The following PPP1R9A variants were observed in gnomAD, a reference collection of about 807,000 sequenced individuals.
The protein encoded by PPP1R9A is neurabin-1.
Under a neutral mutation model 141.9 loss-of-function variants are expected in PPP1R9A, and 59 were observed. The observed-to-expected ratio is 0.42, with a 90% CI of 0.34 to 0.52. The LOEUF (loss-of-function observed/expected upper bound fraction) is 0.52, where lower values mean the gene tolerates loss of function less well. Ranked by LOEUF, PPP1R9A falls within the 20% of genes least tolerant of loss-of-function variation. The pLI, the probability that PPP1R9A is intolerant of heterozygous loss-of-function variation, is 0.10. For synonymous variants in PPP1R9A, 500 were observed against 569.7 expected, an observed-to-expected ratio of 0.88 and a Z score of 1.74; for missense variants, 1,444 against 1,611.9, an observed-to-expected ratio of 0.90 and a Z score of 1.78.
intron 2 of PPP1R9A, among the ~76,000 whole-genome samples, chr7:94,952,221 G>T (rs2151039763): frequency 6.6e-6 from 1 of 152,232 alleles, no homozygotes; most frequent in Admixed American, 6.5e-5. Flanking sequence ...TTCTGTCCCT[G>T]TGTTAGTTTG....
intron 2 of PPP1R9A, among the ~76,000 whole-genome samples, chr7:95,081,199 C>A (rs1247990706): frequency 2.6e-5 from 4 of 152,010 alleles, no homozygotes; most frequent in African/African-American, 9.7e-5. Flanking sequence ...AAATAGCCAG[C>A]AGTAACAGGG....
At chr7:95,200,063 A>G (rs1056370536) in intron 6 of PPP1R9A, among the ~76,000 whole-genome samples, 1 of 151,834 alleles carries the variant, frequency 6.6e-6, no homozygotes, top group Non-Finnish European at 1.5e-5. Context: ...GGATTGGGCT[A>G]GATCACAAAA....
intron 4 of PPP1R9A, among the ~76,000 whole-genome samples, chr7:95,147,254 G>A (rs980602601): frequency 6.6e-6 from 1 of 152,074 alleles, no homozygotes; most frequent in Non-Finnish European, 1.5e-5. Context: ...TCTCCTTGTA[G>A]CAATTGTGAA....
chr7:95,238,505 C>T (rs12704790), intron 8 of PPP1R9A, among the ~76,000 whole-genome samples: 60,640 of 151,954 alleles, frequency 0.4, 12,527 homozygotes, highest in South Asian at 0.49. Flanking sequence ...TTCAGATCCT[C>T]AGTTTTCCAA....
At chr7:95,213,158 C>T (rs1380249839) in intron 7 of PPP1R9A, among the ~76,000 whole-genome samples, 1 of 151,784 alleles carries the variant, frequency 6.6e-6, no homozygotes, top group Non-Finnish European at 1.5e-5. Context: ...CACCAGCAGC[C>T]TATGTTTCAG....
chr7:95,003,133 C>T (rs560348242), intron 2 of PPP1R9A, among the ~76,000 whole-genome samples: 21 of 152,162 alleles, frequency 1.4e-4, no homozygotes, highest in African/African-American at 4.8e-4. Context: ...GTGATTGTGT[C>T]TTTCTTTTCT....
rs1024631533 is a variant in PPP1R9A at position 95,225,848 on chromosome 7, A to G, written c.1957-113A>G. 3 of 1,147,008 alleles carry G rather than the reference A, an allele frequency of 2.6e-6. No individual in the cohort carries two copies. In the African/African-American group the frequency reaches 5.1e-5, roughly 19 times the overall value. The allele number at this position is 1,147,008 out of a possible 1,614,324, so 71.1% of individuals were successfully genotyped here. A position where few individuals can be genotyped will look rare whatever the true frequency, so the allele number is the denominator to read the frequency against. On this transcript the variant is annotated intron_variant, in intron 7 of 19. Coordinates refer to ENST00000433360, the MANE Select transcript of PPP1R9A (RefSeq NM_001166160.2). ...GCATGCTTGGCTGAAAAACCTACTT[A>G]CACTTTTACCATTTGGGTACATGTC... is the stretch of plus-strand genomic sequence containing the variant.
At chr7:95,164,030 G>A (rs1013654072) in intron 5 of PPP1R9A, among the ~76,000 whole-genome samples, 2 of 152,152 alleles carry the variant, frequency 1.3e-5, no homozygotes, top group Non-Finnish European at 2.9e-5. Flanking sequence ...GAGCCACTGC[G>A]CCTGGCCCCA....
intron 1 of PPP1R9A, chr7:94,908,720 G>A (rs1446721092): frequency 6.6e-6 from 1 of 152,220 alleles, no homozygotes; most frequent in East Asian, 1.9e-4. Flanking sequence ...GTGTGTAGGG[G>A]AGAGGGGAGG....
At chr7:95,142,262 A>G (rs1446455365) in intron 4 of PPP1R9A, among the ~76,000 whole-genome samples, 7 of 152,108 alleles carry the variant, frequency 4.6e-5, no homozygotes, top group African/African-American at 1.4e-4. Context: ...GTTTCTTATC[A>G]GATACATAAT....
intron 7 of PPP1R9A, among the ~76,000 whole-genome samples, chr7:95,209,791 A>G (rs1791691651): frequency 6.6e-6 from 1 of 152,136 alleles, no homozygotes; most frequent in Non-Finnish European, 1.5e-5. Flanking sequence ...TAAACACCAT[A>G]TTTTTCAACA....
intron 2 of PPP1R9A, among the ~76,000 whole-genome samples, chr7:94,917,908 C>T (rs1792298688): frequency 1.3e-5 from 2 of 152,202 alleles, no homozygotes; most frequent in South Asian, 2.1e-4. Flanking sequence ...GAAATCTCAT[C>T]TGCATTAGAT....
chr7:95,087,901 A>G (rs967787651), intron 2 of PPP1R9A, among the ~76,000 whole-genome samples: 4 of 151,572 alleles, frequency 2.6e-5, no homozygotes, highest in African/African-American at 4.9e-5. Flanking sequence ...TCTCAAAAAA[A>G]AGAGAGAGAG....
chr7:95,242,017 A>T (rs977718122), intron 8 of PPP1R9A, among the ~76,000 whole-genome samples: 10 of 152,148 alleles, frequency 6.6e-5, no homozygotes, highest in Non-Finnish European at 8.8e-5. Context: ...TACCATTCAG[A>T]TTAGATTGTG....
intron 2 of PPP1R9A, among the ~76,000 whole-genome samples, chr7:94,951,224 T>A (rs1185683223): frequency 6.6e-6 from 1 of 152,130 alleles, no homozygotes; most frequent in East Asian, 1.9e-4. Flanking sequence ...CTTATACTTT[T>A]GTTTTTTTTC....
chr7:95,233,584 C>A lies in PPP1R9A; in HGVS notation c.2112+7468C>A, dbSNP rs116834381. On this transcript the variant is annotated intron_variant, in intron 8 of 19. Transcript: ENST00000433360. ...CCAGGACCATACACATTCACAGCTG[C>A]ATTCTGTCAGACATTCAAAGAAGAA... is the stretch of plus-strand genomic sequence containing the variant. Among the ~76,000 whole-genome samples the A allele has an allele frequency of 4.3e-3, 648 of 152,164 alleles. 4 individuals are homozygous for A. The highest frequency in any genetic ancestry group is 0.014 in the African/African-American group (584 of 41,528).
At chr7:95,124,728 T>G (rs1203830313) in intron 4 of PPP1R9A, among the ~76,000 whole-genome samples, 5 of 152,154 alleles carry the variant, frequency 3.3e-5, no homozygotes, top group Non-Finnish European at 5.9e-5. Flanking sequence ...CTCTTTCTAT[T>G]TAAGAAAATT....
intron 12 of PPP1R9A, among the ~76,000 whole-genome samples, chr7:95,262,735 G>A (rs999474936): frequency 4.6e-5 from 7 of 152,166 alleles, no homozygotes; most frequent in African/African-American, 1.7e-4. Context: ...AGGCTATACA[G>A]ATAGTTTTGA....
intron 4 of PPP1R9A, among the ~76,000 whole-genome samples, chr7:95,159,925 C>CAAAA (rs751687197): frequency 4.7e-5 from 5 of 106,576 alleles, no homozygotes; most frequent in African/African-American, 8.0e-5. Context: ...GACATTGTCT[C>CAAAA]AAAAAAAAAA....
Sources: gnomAD v4.1 joint callset for allele counts (sites outside exome capture counted in the v4.1 genomes callset) on GRCh38, gnomAD v4.1.1 for gene constraint, MANE v1.5 for transcripts, NCBI Gene and HGNC (gene_info 2026-07-23, HGNC 2026-07-21) for gene names.